LMBRD1: variants seen among roughly 807,000 people sequenced by gnomAD.
LMBRD1 encodes LMBR1 domain containing 1.
Under a neutral mutation model 74.8 loss-of-function variants are expected in LMBRD1, and 64 were observed. The ratio of observed to expected loss-of-function variants is 0.86; its 90% confidence interval spans 0.70 to 1.05. The LOEUF (loss-of-function observed/expected upper bound fraction) is 1.05, where lower values mean the gene tolerates loss of function less well. Among genes scored for constraint, LMBRD1 ranks in the 50% least tolerant of loss-of-function variants. The pLI is 0.00. For missense variants in LMBRD1, 652 were observed against 645.9 expected, an observed-to-expected ratio of 1.01 and a Z score of -0.10; for synonymous variants, 204 against 216.3, an observed-to-expected ratio of 0.94 and a Z score of 0.50.
rs576816967 is a variant in LMBRD1 at position 69,711,611 on chromosome 6, A to AG, written c.915+2033_915+2034insC. ...GACAAATCACCTTGGGGTAAAAAAA[A>AG]CTGGGATGAATTTTTTAAAAATTTA... On this transcript the variant is annotated intron_variant, in intron 9 of 15. Coordinates refer to ENST00000649934, the MANE Select transcript of LMBRD1 (RefSeq NM_018368.4). 7.2e-5 allele frequency among the ~76,000 whole-genome samples: 11 copies of AG among 152,280 alleles called. No homozygotes were observed. In the East Asian group the frequency reaches 2.1e-3, roughly 29 times the overall value.
intron 3 of LMBRD1, among the ~76,000 whole-genome samples, chr6:69,767,377 A>C (rs971895025): frequency 1.3e-5 from 2 of 151,626 alleles, no homozygotes; most frequent in African/African-American, 4.8e-5. Flanking sequence ...ATATCCCGTA[A>C]ATTTTGATAT....
intron 6 of LMBRD1, among the ~76,000 whole-genome samples, chr6:69,741,510 C>G (rs1000696071): frequency 5.9e-5 from 9 of 152,100 alleles, no homozygotes; most frequent in African/African-American, 2.2e-4. Flanking sequence ...CTCAGCCTCC[C>G]GAGCAGCTGG....
Position 69,690,940 on chromosome 6 carries a change from G to A in LMBRD1, c.1417+6623C>T, listed in dbSNP as rs926626141. On this transcript the variant is annotated intron_variant, in intron 14 of 15. Transcript: ENST00000649934. ...TTCTCTTCAAAGCATCAACACTATT[G>A]ATCTCTAAACATGATACTTTATTGC... is the stretch of plus-strand genomic sequence containing the variant. 5.3e-5 allele frequency among the ~76,000 whole-genome samples: 8 copies of A among 151,956 alleles called. No individual in the cohort carries two copies. The South Asian group carries it at 6.2e-4, about 12-fold the overall frequency.
At chr6:69,748,385 T>C (rs1451759900) in intron 5 of LMBRD1, among the ~76,000 whole-genome samples, 1 of 151,980 alleles carries the variant, frequency 6.6e-6, no homozygotes, top group Non-Finnish European at 1.5e-5. Flanking sequence ...CTAAAATACA[T>C]AGAAAAACCA....
rs753600052 is a variant in LMBRD1, at chr6:69,796,919, TGGGGAAAGGGGAG to T, written c.-51_-39del. On this transcript the variant is annotated 5_prime_UTR_variant, in exon 1 of 16. Coordinates refer to ENST00000649934, the MANE Select transcript of LMBRD1 (RefSeq NM_018368.4). ...TCCAGACCAACCTGAGCGCCCGGGGTGGGGAAAGGGGAGGGGGAAAGGGGAGAGAGCGCGAGAT... is the reference window on the plus strand; with the variant it reads ...TCCAGACCAACCTGAGCGCCCGGGGTGGGGAAAGGGGAGAGAGCGCGAGAT... 63 of 1,573,656 alleles carry T rather than the reference TGGGGAAAGGGGAG, an allele frequency of 4.0e-5. No homozygotes were observed. Among genetic ancestry groups the T allele is most frequent in the East Asian group, 2.5e-4 (11 of 44,268 alleles).
At chr6:69,715,673 A>G (rs9342767) in intron 8 of LMBRD1, among the ~76,000 whole-genome samples, 56,000 of 151,878 alleles carry the variant, frequency 0.37, 10,788 homozygotes, top group East Asian at 0.54. Context: ...ATATCCTTCA[A>G]CAAATTTTCT....
chr6:69,749,675 G>A (rs1582121352), intron 4 of LMBRD1, among the ~76,000 whole-genome samples: 1 of 151,480 alleles, frequency 6.6e-6, no homozygotes, highest in African/African-American at 2.4e-5. Flanking sequence ...TCTCCAGTAG[G>A]CATCTTTAGT....
intron 7 of LMBRD1, among the ~76,000 whole-genome samples, chr6:69,723,748 C>T (rs753295780): frequency 4.0e-5 from 6 of 150,696 alleles, no homozygotes; most frequent in Admixed American, 2.0e-4. Context: ...ACTGTAATGA[C>T]GCATTTTAAA....
In LMBRD1 at chr6:69,796,821, A is replaced by C; in HGVS notation, c.61T>G (p.Leu21Val). Residue 21 changes from leucine to valine, a missense_variant, in exon 1 of 16, where the codon TTA (leucine) becomes GTA (valine). Leu to Val is a conservative substitution (Grantham distance 32). Around this residue, in one of 3 missense-constraint regions of LMBRD1, gnomAD observed 598 missense variants for 581.8 expected, o/e 1.03. Transcript: ENST00000649934. ...LVIGWCIFGL[L>V]LLAILAFCWI... ...CCAAGCGCCTCCCCTACCAGTAGTAAGAGGCCGAATATGCACCAGCCGATC... is the reference window on the plus strand; with the variant it reads ...CCAAGCGCCTCCCCTACCAGTAGTACGAGGCCGAATATGCACCAGCCGATC... 6.2e-7 allele frequency: 1 copy of C among 1,613,678 alleles called. No homozygotes were observed. Among genetic ancestry groups the C allele is most frequent in the Admixed American group, 1.7e-5 (1 of 60,012 alleles).
chr6:69,692,066 T>A (rs1434132788), intron 14 of LMBRD1, among the ~76,000 whole-genome samples: 4 of 152,244 alleles, frequency 2.6e-5, no homozygotes, highest in Non-Finnish European at 5.9e-5. Context: ...TAATTCTCAT[T>A]TTCCCCCTTT....
Position 69,687,897 on chromosome 6 carries a change from C to A in LMBRD1, c.1417+9666G>T, listed in dbSNP as rs533090426. 1.5e-4 allele frequency among the ~76,000 whole-genome samples: 23 copies of A among 152,128 alleles called. No individual in the cohort carries two copies. In the East Asian group the frequency reaches 3.5e-3, roughly 23 times the overall value. ...CCCCATGTTCTTCCGTCTAAAGAAC[C>A]AGATGACCTACATTCTCCTGAAGAG... is the stretch of plus-strand genomic sequence containing the variant. On this transcript the variant is annotated intron_variant, in intron 14 of 15. Coordinates refer to ENST00000649934, the MANE Select transcript of LMBRD1 (RefSeq NM_018368.4).
intron 9 of LMBRD1, chr6:69,705,205 TATAAAAAGG>T: frequency 1.7e-6 from 1 of 581,502 alleles, no homozygotes; most frequent in Non-Finnish European, 3.2e-6. Flanking sequence ...CACTCTGCAT[TATAAAAAGG>T]ACAGCCAGAT....
At chr6:69,711,727 A>G (rs999450046) in intron 9 of LMBRD1, among the ~76,000 whole-genome samples, 2 of 152,172 alleles carry the variant, frequency 1.3e-5, no homozygotes, top group Non-Finnish European at 2.9e-5. Context: ...GGCGCTTTTT[A>G]GGGTGAGCAG....
intron 1 of LMBRD1, among the ~76,000 whole-genome samples, chr6:69,793,913 G>A (rs1766149598): frequency 6.6e-6 from 1 of 151,800 alleles, no homozygotes; most frequent in Non-Finnish European, 1.5e-5. Flanking sequence ...TAGGAATGGG[G>A]CTTTGCCATG....
At chr6:69,686,848 T>C (rs1169181205) in intron 14 of LMBRD1, among the ~76,000 whole-genome samples, 1 of 152,250 alleles carries the variant, frequency 6.6e-6, no homozygotes, top group Non-Finnish European at 1.5e-5. Flanking sequence ...GTAAGTTTTA[T>C]TGAAACATAG....
At chr6:69,681,560 G>C (rs1377624002) in intron 14 of LMBRD1, among the ~76,000 whole-genome samples, 2 of 151,802 alleles carry the variant, frequency 1.3e-5, no homozygotes, top group Non-Finnish European at 2.9e-5. Context: ...ACCTTCACTT[G>C]AAATCAATTT....
chr6:69,703,315 G>C (rs147196750), intron 9 of LMBRD1, among the ~76,000 whole-genome samples: 1 of 151,956 alleles, frequency 6.6e-6, no homozygotes, highest in Non-Finnish European at 1.5e-5. Flanking sequence ...ATTCTCAAGT[G>C]AAAAACATTC....
chr6:69,759,606 ATATCTTATAGATACTTCTG>A (rs931921134), intron 3 of LMBRD1, among the ~76,000 whole-genome samples: 2 of 152,210 alleles, frequency 1.3e-5, no homozygotes, highest in South Asian at 4.2e-4. Context: ...GCTTTATATG[ATATCTTATAGATACTTCTG>A]TATCTTAATA....
chr6:69,715,194 G>A (rs1489465405), intron 8 of LMBRD1, among the ~76,000 whole-genome samples: 5 of 151,950 alleles, frequency 3.3e-5, no homozygotes, highest in South Asian at 2.1e-4. Flanking sequence ...AGAAGGATTC[G>A]GCACTTTATA....
Sources: allele counts gnomAD v4.1 joint callset (sites outside exome capture counted in the v4.1 genomes callset), GRCh38; gene constraint gnomAD v4.1.1; regional missense constraint gnomAD v4.1.1; transcripts MANE v1.5; gene names NCBI Gene and HGNC (gene_info 2026-07-23, HGNC 2026-07-21).